The following HCRTR2 variants were observed in gnomAD, a reference collection of about 807,000 sequenced individuals.
HCRTR2 encodes the protein orexin receptor type 2.
HCRTR2 carries 22 observed loss-of-function variants against 49.0 expected under a neutral mutation model. The observed-to-expected ratio is 0.45, with a 90% CI of 0.32 to 0.64. The LOEUF is 0.64. Ranked by LOEUF, HCRTR2 falls within the 30% of genes least tolerant of loss-of-function variation. HCRTR2 has a pLI of 0.04. For missense variants in HCRTR2, 491 were observed against 559.4 expected (o/e 0.88, Z 1.23); for synonymous variants, 236 against 205.3 (o/e 1.15, Z -1.28).
chr6:55,117,783 C>CAAAAAA (rs34425786), intron 1 of HCRTR2, among the ~76,000 whole-genome samples: 1,049 of 78,196 alleles, frequency 0.013, 16 homozygotes, highest in East Asian at 0.031. Flanking sequence ...GATAAAGTCT[C>CAAAAAA]AAAAAAAAAA....
intron 1 of HCRTR2, among the ~76,000 whole-genome samples, chr6:55,157,587 GC>G (rs1764747480): frequency 6.6e-6 from 1 of 152,220 alleles, no homozygotes; most frequent in South Asian, 2.1e-4. Context: ...ATGACCCAGT[GC>G]TATGTTGGCT....
At chr6:55,214,595 C>T (rs1246179700) in intron 1 of HCRTR2, among the ~76,000 whole-genome samples, 1 of 151,966 alleles carries the variant, frequency 6.6e-6, no homozygotes, top group South Asian at 2.1e-4. Flanking sequence ...CCTGACTCAG[C>T]CTCCCAAATC....
rs376051466 is a variant in HCRTR2, at chr6:55,152,739, C to A, written c.-377-21472C>A. Among the ~76,000 whole-genome samples, 109 of 152,072 alleles carry A rather than the reference C, an allele frequency of 7.2e-4. 3 individuals carry two copies. In the South Asian group the frequency reaches 0.017, roughly 24 times the overall value. On this transcript the variant is annotated intron_variant, in intron 1 of 7. Coordinates refer to the HCRTR2 transcript ENST00000615358. ...AATAATCCCATTCACAAGGGCAAAG[C>A]TTCCCAAAGGCCTCACTTTCTAGTA...
chr6:55,118,150 T>C (rs779424752), intron 1 of HCRTR2, among the ~76,000 whole-genome samples: 1 of 151,896 alleles, frequency 6.6e-6, no homozygotes, highest in Non-Finnish European at 1.5e-5. Context: ...GAACATGTGG[T>C]ATTTGGTTTT....
At chr6:55,184,523 T>C (rs1765184894) in intron 1 of HCRTR2, among the ~76,000 whole-genome samples, 1 of 152,198 alleles carries the variant, frequency 6.6e-6, no homozygotes, top group Non-Finnish European at 1.5e-5. Context: ...TTCTAAATTT[T>C]CTACAACTTT....
intron 1 of HCRTR2, among the ~76,000 whole-genome samples, chr6:55,206,213 T>C (rs1026056605): frequency 2.0e-5 from 3 of 152,108 alleles, no homozygotes; most frequent in Non-Finnish European, 4.4e-5. Context: ...AAGAGCTTTT[T>C]AATAAGTGTG....
rs151033991 is a variant in HCRTR2 at position 55,258,966 on chromosome 6, G to A, written c.646+3587G>A. Among the ~76,000 whole-genome samples, 692 of 152,186 alleles carry A rather than the reference G, an allele frequency of 4.5e-3. 6 individuals carry two copies. The highest frequency in any genetic ancestry group is 0.014 in the African/African-American group (593 of 41,534). On this transcript the variant is annotated intron_variant, in intron 3 of 6. Transcript: ENST00000370862. ...CTCGGGAAGCTGAGGCAGGACAATC[G>A]CTTGAAACCGAAAGGCGGAGGTTGC...
rs772748267 is a variant in HCRTR2, at chr6:55,248,675, C to T, written c.260C>T (p.Thr87Met). Residue 87 changes from threonine to methionine, a missense_variant, in exon 2 of 7, where the codon ACG becomes ATG. Physicochemically the swap from Thr to Met is moderately conservative, Grantham distance 81. Coordinates refer to ENST00000370862, the MANE Select transcript of HCRTR2 (RefSeq NM_001384272.1). ...VAVWKNHHMRTVTNYFIVNLS... is the reference protein window; with the variant it reads ...VAVWKNHHMRMVTNYFIVNLS... ...GTGTGGAAGAACCACCACATGAGGACGGTAACCAACTACTTCATAGTCAAT... is the reference window on the plus strand; with the variant it reads ...GTGTGGAAGAACCACCACATGAGGATGGTAACCAACTACTTCATAGTCAAT... 4.3e-6 allele frequency: 7 copies of T among 1,613,296 alleles called. No individual in the cohort carries two copies. The highest frequency in any genetic ancestry group is 5.9e-6 in the Non-Finnish European group (7 of 1,179,428).
At chr6:55,144,500 C>CAGCAGCGG (rs1764552711) in intron 1 of HCRTR2, among the ~76,000 whole-genome samples, 2 of 152,152 alleles carry the variant, frequency 1.3e-5, no homozygotes, top group African/African-American at 4.8e-5. Flanking sequence ...CCCCAAACTT[C>CAGCAGCGG]TTGGTACCAG....
intron 1 of HCRTR2, chr6:55,240,748 A>C (rs1180247250): frequency 5.0e-6 from 2 of 403,480 alleles, no homozygotes; most frequent in Non-Finnish European, 1.0e-5. Context: ...CAGGTTCTTA[A>C]GTCTGGATAC....
At chr6:55,154,280 G>C (rs1367471206) in intron 1 of HCRTR2, among the ~76,000 whole-genome samples, 1 of 151,858 alleles carries the variant, frequency 6.6e-6, no homozygotes, top group Non-Finnish European at 1.5e-5. Context: ...TATGAGGCCA[G>C]CATTATTCTG....
intron 5 of HCRTR2, among the ~76,000 whole-genome samples, chr6:55,279,520 A>AACACACACACAC (rs34736199): frequency 0.1 from 14,369 of 142,596 alleles, 816 homozygotes; most frequent in African/African-American, 0.11. Context: ...TTCTTGCTGT[A>AACACACACACAC]ACACACACAC....
chr6:55,200,541 T>C (rs1765495627), intron 1 of HCRTR2, among the ~76,000 whole-genome samples: 1 of 152,202 alleles, frequency 6.6e-6, no homozygotes, highest in Non-Finnish European at 1.5e-5. Context: ...GTAATTCTGC[T>C]AATGGTTGTC....
chr6:55,123,256 C>T (rs1764226963), intron 1 of HCRTR2, among the ~76,000 whole-genome samples: 1 of 151,980 alleles, frequency 6.6e-6, no homozygotes, highest in African/African-American at 2.4e-5. Context: ...ATGATATTAG[C>T]TGTAGGTTTG....
chr6:55,138,629 T>C (rs528556064), intron 1 of HCRTR2, among the ~76,000 whole-genome samples: 22 of 152,202 alleles, frequency 1.4e-4, no homozygotes, highest in Non-Finnish European at 2.6e-4. Flanking sequence ...AGTCCTCACC[T>C]TTACATTTTA....
At chr6:55,194,799 A>G (rs1765381566) in intron 1 of HCRTR2, among the ~76,000 whole-genome samples, 1 of 152,106 alleles carries the variant, frequency 6.6e-6, no homozygotes, top group African/African-American at 2.4e-5. Flanking sequence ...GATCAAAACG[A>G]TAAGACATTA....
intron 2 of HCRTR2, among the ~76,000 whole-genome samples, chr6:55,251,822 G>A (rs1280576382): frequency 3.9e-5 from 6 of 151,926 alleles, no homozygotes; most frequent in Non-Finnish European, 7.4e-5. Context: ...CATAGTATAG[G>A]TCAAAGACCA....
At chr6:55,242,060 G>A (rs1383370570) in intron 1 of HCRTR2, among the ~76,000 whole-genome samples, 2 of 151,614 alleles carry the variant, frequency 1.3e-5, no homozygotes, top group East Asian at 3.9e-4. Context: ...AGTAGAGACA[G>A]GATTTCACTA....
At chr6:55,171,943 C>T (rs4431422), upstream of HCRTR2, among the ~76,000 whole-genome samples, 65,624 of 151,904 alleles carry the variant, frequency 0.43, 15,021 homozygotes, top group East Asian at 0.78. Context: ...AATATAGATC[C>T]GAACTTAAGT....
Sources: gnomAD v4.1 joint callset for allele counts (sites outside exome capture counted in the v4.1 genomes callset) on GRCh38, gnomAD v4.1.1 for gene constraint, MANE v1.5 for transcripts, NCBI Gene and HGNC (gene_info 2026-07-23, HGNC 2026-07-21) for gene names.